Variants in NSUN4 observed in about 807,000 individuals in gnomAD.
NSUN4 encodes the protein 5-cytosine rRNA methyltransferase NSUN4.
NSUN4 carries 31 observed loss-of-function variants against 43.8 expected under a neutral mutation model. The observed-to-expected ratio is 0.71, with a 90% CI of 0.53 to 0.96. The LOEUF is 0.96. Ranked by LOEUF, NSUN4 falls within the 40% of genes least tolerant of loss-of-function variation. The probability of loss-of-function intolerance (pLI) is 0.00; values close to 1 mark genes in which losing one functional copy is unlikely to be tolerated. For synonymous variants in NSUN4, 167 were observed against 184.1 expected, an observed-to-expected ratio of 0.91 and a Z score of 0.75; for missense variants, 439 against 475.6, an observed-to-expected ratio of 0.92 and a Z score of 0.72.
chr1:46,342,034 C>T (rs1662149513), intron 1 of NSUN4: 4 of 1,073,182 alleles, frequency 3.7e-6, no homozygotes, highest in Non-Finnish European at 4.7e-6. Context: ...CCCATGATTT[C>T]GCCTCCTCCT....
In NSUN4 at chr1:46,360,715, T is replaced by G. The variant is rs140320520; in HGVS notation, c.765T>G (p.Asp255Glu). Reference sequence around the variant, plus strand: ...AACACTCTGGGTAGGTGCTGGTGGATGTGCCCTGTACCACAGACCGCCACT... The same window carrying G: ...AACACTCTGGGTAGGTGCTGGTGGAGGTGCCCTGTACCACAGACCGCCACT... ...EGDTYDRVLV[D>E]VPCTTDRHSL... is the part of the protein sequence containing the mutation. Residue 255 changes from aspartate to glutamate, a missense_variant, in exon 5 of 6, where the codon GAT (aspartate) becomes GAG (glutamate). Asp to Glu is a conservative substitution (Grantham distance 45). Coordinates refer to ENST00000474844, the MANE Select transcript of NSUN4 (RefSeq NM_199044.4). The G allele has an allele frequency of 1.2e-6, 2 of 1,613,934 alleles. No individual in the cohort carries two copies. The highest frequency in any genetic ancestry group is 3.3e-5 in the Admixed American group (2 of 59,996).
At chr1:46,371,548 C>T in the NSUN4 span, among the ~76,000 whole-genome samples, 9 of 152,230 alleles carry the variant, frequency 5.9e-5, no homozygotes, top group South Asian at 2.1e-4. Context: ...CCTCGTGATC[C>T]GCCCACCTCG....
chr1:46,373,351 C>T, the NSUN4 span, among the ~76,000 whole-genome samples: 2 of 152,242 alleles, frequency 1.3e-5, no homozygotes, highest in African/African-American at 4.8e-5. Flanking sequence ...AACAACCCCA[C>T]TCCTCAACAC....
chr1:46,345,187 T>G, intron 2 of NSUN4, 43 bp downstream of exon 2: 2 of 1,447,824 alleles, frequency 1.4e-6, no homozygotes, highest in Non-Finnish European at 1.9e-6. Context: ...GAGTGTCTGC[T>G]GGAAGTAGAC....
chr1:46,374,200 C>G, the NSUN4 span, among the ~76,000 whole-genome samples: 2 of 142,788 alleles, frequency 1.4e-5, no homozygotes, highest in Non-Finnish European at 3.0e-5. Flanking sequence ...GCAGGAGAAT[C>G]GCTTGAACCT....
intron 3 of NSUN4, among the ~76,000 whole-genome samples, chr1:46,349,048 C>T (rs34267509): frequency 0.069 from 10,495 of 151,480 alleles, 508 homozygotes; most frequent in Middle Eastern, 0.11. Flanking sequence ...TTCCTGACCT[C>T]GCAATCCACC....
chr1:46,383,557 G>A, the NSUN4 span, among the ~76,000 whole-genome samples: 5 of 145,990 alleles, frequency 3.4e-5, no homozygotes, highest in East Asian at 2.1e-4. Context: ...CCGGGTTCAC[G>A]CCATTCTCCT....
chr1:46,346,861 A>G, intron 2 of NSUN4, 60 bp from the exon 3 acceptor site: 2 of 1,457,460 alleles, frequency 1.4e-6, no homozygotes, highest in Admixed American at 3.7e-5. Flanking sequence ...TTGGTGGCCT[A>G]GACTCCCAGT....
rs1321298377 is a variant in NSUN4 at position 46,344,944 on chromosome 1, C to G, written c.237C>G (p.Asn79Lys). The G allele has an allele frequency of 3.1e-6, 5 of 1,614,104 alleles. No homozygotes were observed. Among genetic ancestry groups the G allele is most frequent in the Non-Finnish European group, 4.2e-6 (5 of 1,180,050 alleles). Residue 79 changes from asparagine (N) to lysine (K), a missense_variant, in exon 2 of 6, where the codon AAC (asparagine) becomes AAG (lysine). Transcript: ENST00000474844. ...SEQKYGALVN[N>K]FAAWDHVSAK... ...AGAAGTATGGTGCACTGGTCAATAACTTTGCTGCCTGGGATCATGTAAGTG... is the reference window on the plus strand; with the variant it reads ...AGAAGTATGGTGCACTGGTCAATAAGTTTGCTGCCTGGGATCATGTAAGTG...
the NSUN4 span, among the ~76,000 whole-genome samples, chr1:46,381,175 A>G: frequency 6.6e-6 from 1 of 152,222 alleles, no homozygotes. Flanking sequence ...CCTCTGGGTT[A>G]TGCAGCACGA....
chr1:46,353,390 A>G (rs997526832), intron 4 of NSUN4, among the ~76,000 whole-genome samples: 56 of 152,236 alleles, frequency 3.7e-4, no homozygotes, highest in African/African-American at 1.3e-3. Context: ...TACAAAATTC[A>G]GAAGGCACAA....
the NSUN4 span, among the ~76,000 whole-genome samples, chr1:46,376,096 T>TAAAAAAAA: frequency 2.4e-5 from 1 of 40,868 alleles, no homozygotes; most frequent in Non-Finnish European, 3.9e-5. Flanking sequence ...AGAGCGAAAC[T>TAAAAAAAA]AAAAAAAAAA....
chr1:46,362,376 C>G lies in NSUN4; in HGVS notation c.*530C>G, dbSNP rs1334279250. The G allele has an allele frequency of 6.5e-6, 1 of 153,860 alleles. No individual in the cohort carries two copies. The allele number at this position is 153,860 out of a possible 1,614,324, so 9.5% of individuals were successfully genotyped here. ...ATGGCTCATGATCTAATTTAAGGAACAAGTAACTAAAAATGTTAAGCCAGT... is the reference window on the plus strand; with the variant it reads ...ATGGCTCATGATCTAATTTAAGGAAGAAGTAACTAAAAATGTTAAGCCAGT... On this transcript the variant is annotated 3_prime_UTR_variant, in exon 6 of 6. Transcript: ENST00000474844.
intron 1 of NSUN4, chr1:46,341,717 C>G (rs777792792): frequency 1.4e-5 from 17 of 1,231,030 alleles, no homozygotes; most frequent in Non-Finnish European, 1.7e-5. Flanking sequence ...TGGAAAGGAC[C>G]TACTGCCGCT....
intron 1 of NSUN4, chr1:46,341,358 G>T: frequency 1.0e-6 from 1 of 999,352 alleles, no homozygotes. Context: ...ATACCATAGC[G>T]ACCTTGCCTG....
the NSUN4 span, among the ~76,000 whole-genome samples, chr1:46,380,883 A>AT: frequency 6.6e-6 from 1 of 152,146 alleles, no homozygotes; most frequent in East Asian, 1.9e-4. Flanking sequence ...ACATGCATGG[A>AT]TTTTTTACTA....
At chr1:46,348,699 A>G (rs1411790209) in intron 3 of NSUN4, among the ~76,000 whole-genome samples, 5 of 135,594 alleles carry the variant, frequency 3.7e-5, no homozygotes, top group Admixed American at 7.6e-5. Context: ...ACAAGAGCAA[A>G]ACTCTGTCTC....
intron 1 of NSUN4, chr1:46,341,589 A>AC: frequency 5.0e-6 from 6 of 1,198,016 alleles, no homozygotes; most frequent in Non-Finnish European, 6.2e-6. Context: ...TTCTTCTATG[A>AC]CCGGCACGCC....
Position 46,344,906 on chromosome 1 carries a change from C to T in NSUN4, c.199C>T (p.Leu67Phe). The T allele has an allele frequency of 6.2e-7, 1 of 1,614,208 alleles. No homozygotes were observed. Among genetic ancestry groups the T allele is most frequent in the East Asian group, 2.2e-5 (1 of 44,888 alleles). Residue 67 changes from leucine (L) to phenylalanine (F), a missense_variant, in exon 2 of 6, where the codon CTC becomes TTC. Transcript: ENST00000474844. ...TCTTTGGCCATCAATCCGTGTCAGT[C>T]TCCTCTCAGAGCAGAAGTATGGTGC... is the stretch of plus-strand genomic sequence containing the variant. ...GDLWPSIRVS[L>F]LSEQKYGALV...
Sources: allele counts gnomAD v4.1 joint callset (sites outside exome capture counted in the v4.1 genomes callset), GRCh38; gene constraint gnomAD v4.1.1; transcripts MANE v1.5; gene names NCBI Gene and HGNC (gene_info 2026-07-23, HGNC 2026-07-21).